Variants in DOCK8 observed in about 807,000 individuals in gnomAD.
DOCK8 encodes the protein dedicator of cytokinesis protein 8.
In DOCK8, 141 loss-of-function variants were observed where a neutral mutation model predicts 245.6. The observed-to-expected ratio is 0.57, with a 90% CI of 0.50 to 0.66. The LOEUF is 0.66. Among genes scored for constraint, DOCK8 ranks in the 30% least tolerant of loss-of-function variants. The pLI, the probability that DOCK8 is intolerant of heterozygous loss-of-function variation, is 0.00. For synonymous variants in DOCK8, 1,168 were observed against 970.2 expected, an observed-to-expected ratio of 1.20 and a Z score of -3.79; for missense variants, 2,965 against 2,603.4, an observed-to-expected ratio of 1.14 and a Z score of -3.02.
At position 451,973 on chromosome 9, in the gene DOCK8, ATATATTTTT is replaced by A. The variant is rs1416150224; in HGVS notation, c.5962-36_5962-28del. 801 of 369,448 alleles carry A rather than the reference ATATATTTTT, an allele frequency of 2.2e-3. 3 individuals carry two copies. Among genetic ancestry groups the A allele is most frequent in the East Asian group, 0.021 (410 of 19,094 alleles). 22.9% of individuals were successfully genotyped at this position (369,448 alleles called of 1,614,324 possible). A position where few individuals can be genotyped will look rare whatever the true frequency, so the allele number is the denominator to read the frequency against. ...TGTGTGTGTATATATATATATATATATATATTTTTTTTTTTTTTTTTTTTTTTTTCCCAC... is the reference window on the plus strand; with the variant it reads ...TGTGTGTGTATATATATATATATATATTTTTTTTTTTTTTTTTTTTCCCAC... On this transcript the variant is annotated intron_variant, in intron 45 of 47. Transcript: ENST00000432829.
At chr9:226,885 G>GA in intron 1 of DOCK8, among the ~76,000 whole-genome samples, 1 of 152,130 alleles carries the variant, frequency 6.6e-6, no homozygotes, top group East Asian at 1.9e-4. Context: ...ACATAAGAAG[G>GA]AAAAAATATT....
intron 27 of DOCK8, among the ~76,000 whole-genome samples, chr9:406,550 AT>A (rs1244430787): frequency 6.6e-6 from 1 of 151,530 alleles, no homozygotes; most frequent in African/African-American, 2.4e-5. Context: ...CAAAGGGGGC[AT>A]TTGGTTACAG....
intron 44 of DOCK8, among the ~76,000 whole-genome samples, chr9:447,538 G>T (rs191162554): frequency 1.3e-5 from 2 of 152,046 alleles, no homozygotes; most frequent in African/African-American, 4.8e-5. Flanking sequence ...CAGCAGTCTT[G>T]TGCACACCTA....
intron 18 of DOCK8, among the ~76,000 whole-genome samples, chr9:372,712 C>T (rs564843813): frequency 6.6e-6 from 1 of 152,182 alleles, no homozygotes; most frequent in Non-Finnish European, 1.5e-5. Flanking sequence ...CTACCAATCC[C>T]AATGCCAATA....
rs2131354429 is a variant in DOCK8, at chr9:390,631, T to C, written c.2970+65T>C. On this transcript the variant is annotated intron_variant, in intron 24 of 47. Transcript: ENST00000432829. ...AAGAGAAGCACACAGCAGAAAGGAA[T>C]TGACATTTTGTTCACTGAGTTGCCC... 6 of 1,524,532 alleles carry C rather than the reference T, an allele frequency of 3.9e-6. 1 individual carries two copies. The highest frequency in any genetic ancestry group is 5.5e-6 in the Non-Finnish European group (6 of 1,099,368). The allele number at this position is 1,524,532 out of a possible 1,614,324, so 94.4% of individuals were successfully genotyped here.
chr9:325,573 G>C, intron 7 of DOCK8, 98 bp from the exon 8 acceptor site: 1 of 966,062 alleles, frequency 1.0e-6, no homozygotes, highest in Non-Finnish European at 1.7e-6. Context: ...TCGGGAAACT[G>C]CTCATATTTT....
chr9:304,543 CCTCT>C, intron 4 of DOCK8, 34 bp from the exon 5 acceptor site: 2 of 1,613,302 alleles, frequency 1.2e-6, no homozygotes, highest in South Asian at 2.2e-5. Context: ...GCTCTCTCTC[CCTCT>C]TTCTCTCTCC....
chr9:309,900 A>G (rs1024395542), intron 5 of DOCK8, among the ~76,000 whole-genome samples: 1 of 152,178 alleles, frequency 6.6e-6, no homozygotes, highest in African/African-American at 2.4e-5. Context: ...TCTCCTATCT[A>G]TTTATTTGTG....
At chr9:300,133 ATTGT>A (rs1464127660) in intron 4 of DOCK8, among the ~76,000 whole-genome samples, 1 of 152,194 alleles carries the variant, frequency 6.6e-6, no homozygotes, top group Non-Finnish European at 1.5e-5. Context: ...CTCAAAACAA[ATTGT>A]TTGTCTTCAG....
chr9:438,626 A>G (rs1487664412), intron 39 of DOCK8, among the ~76,000 whole-genome samples: 3 of 152,308 alleles, frequency 2.0e-5, no homozygotes, highest in Non-Finnish European at 4.4e-5. Context: ...GTTCACCCCA[A>G]CCATGGTCTC....
At chr9:305,532 G>C (rs909679223) in intron 5 of DOCK8, among the ~76,000 whole-genome samples, 1 of 152,150 alleles carries the variant, frequency 6.6e-6, no homozygotes, top group Non-Finnish European at 1.5e-5. Context: ...TGATCCGCCC[G>C]CCTCGGCCTC....
At chr9:246,448 A>G (rs1260810970) in intron 1 of DOCK8, among the ~76,000 whole-genome samples, 1 of 152,118 alleles carries the variant, frequency 6.6e-6, no homozygotes, top group Non-Finnish European at 1.5e-5. Flanking sequence ...GAGGATCATC[A>G]AAACTGCAGT....
At chr9:215,652 C>A in intron 1 of DOCK8, 1 of 418,026 alleles carries the variant, frequency 2.4e-6, no homozygotes. Flanking sequence ...AAGAAATGGC[C>A]TGTGGCTGAC....
At position 392,647 on chromosome 9, in the gene DOCK8, A is replaced by G. The variant is rs548214595; in HGVS notation, c.2970+2081A>G. On this transcript the variant is annotated intron_variant, in intron 24 of 47. Coordinates refer to ENST00000432829, the MANE Select transcript of DOCK8 (RefSeq NM_203447.4). The stretch of plus-strand genomic sequence containing the variant: ...TACAGGTCTTTTGGAATTTGTACTC[A>G]GACAACACCAGAATTTTTTTTTCAT... Among the ~76,000 whole-genome samples the G allele has an allele frequency of 3.3e-5, 5 of 152,154 alleles. No homozygotes were observed. The East Asian group carries it at 9.7e-4, about 29-fold the overall frequency.
At chr9:235,353 C>T (rs562480335) in intron 1 of DOCK8, among the ~76,000 whole-genome samples, 12 of 152,176 alleles carry the variant, frequency 7.9e-5, no homozygotes, top group Non-Finnish European at 1.3e-4. Flanking sequence ...CAGGGACCCA[C>T]TTGAGGAGGC....
At chr9:386,820 G>C (rs1318187297) in intron 23 of DOCK8, among the ~76,000 whole-genome samples, 2 of 152,200 alleles carry the variant, frequency 1.3e-5, no homozygotes, top group Non-Finnish European at 2.9e-5. Context: ...TTTTAGTAGA[G>C]GGAAAGCTGG....
intron 24 of DOCK8, among the ~76,000 whole-genome samples, chr9:393,844 G>A (rs866925289): frequency 4.6e-5 from 7 of 152,194 alleles, no homozygotes; most frequent in Non-Finnish European, 1.0e-4. Flanking sequence ...TAACTGAAAA[G>A]CATTGATCAA....
intron 28 of DOCK8, among the ~76,000 whole-genome samples, chr9:412,219 C>G (rs2055764339): frequency 6.6e-6 from 1 of 152,024 alleles, no homozygotes; most frequent in African/African-American, 2.4e-5. Context: ...CCCTGAGCAA[C>G]ATGGCAAAAC....
intron 1 of DOCK8, among the ~76,000 whole-genome samples, chr9:261,085 CAAAA>C (rs546281564): frequency 1.6e-5 from 1 of 62,148 alleles, no homozygotes; most frequent in Non-Finnish European, 3.3e-5. Context: ...GACTCCGTCT[CAAAA>C]AAAAAAAAAA....
Sources: gnomAD v4.1 joint callset for allele counts (sites outside exome capture counted in the v4.1 genomes callset) on GRCh38, gnomAD v4.1.1 for gene constraint, MANE v1.5 for transcripts, NCBI Gene and HGNC (gene_info 2026-07-23, HGNC 2026-07-21) for gene names.